CACNA1E: variants seen among roughly 807,000 people sequenced by gnomAD.
CACNA1E encodes the protein calcium voltage-gated channel subunit alpha1 E, also known as voltage-dependent R-type calcium channel subunit alpha-1E.
CACNA1E carries 40 observed loss-of-function variants against 259.2 expected under a neutral mutation model. The ratio of observed to expected loss-of-function variants is 0.15; its 90% CI spans 0.12 to 0.20. The LOEUF (loss-of-function observed/expected upper bound fraction) is 0.20, where lower values mean the gene tolerates loss of function less well. Ranked by LOEUF, CACNA1E falls within the 10% of genes least tolerant of loss-of-function variation. The probability of loss-of-function intolerance (pLI) is 1.00; values close to 1 mark genes in which losing one functional copy is unlikely to be tolerated. For synonymous variants in CACNA1E, 1,104 were observed against 1,138.5 expected (o/e 0.97, Z 0.61); for missense variants, 1,874 against 3,040.1 (o/e 0.62, Z 9.02).
chr1:181,669,325 TC>T (rs370604489), intron 7 of CACNA1E, among the ~76,000 whole-genome samples: 18 of 152,206 alleles, frequency 1.2e-4, no homozygotes, highest in African/African-American at 4.3e-4. Flanking sequence ...TTTTCTAGCC[TC>T]AATTCAACGA....
At chr1:181,719,229 G>A (rs927576366) in intron 12 of CACNA1E, among the ~76,000 whole-genome samples, 5 of 152,150 alleles carry the variant, frequency 3.3e-5, no homozygotes, top group African/African-American at 9.7e-5. Flanking sequence ...AAATAGAAAT[G>A]TTCATCTGAA....
At chr1:181,581,347 G>A (rs1026039683) in intron 6 of CACNA1E, among the ~76,000 whole-genome samples, 1 of 152,184 alleles carries the variant, frequency 6.6e-6, no homozygotes, top group Non-Finnish European at 1.5e-5. Flanking sequence ...CCACTGTCAA[G>A]AACTACTGCA....
intron 3 of CACNA1E, among the ~76,000 whole-genome samples, chr1:181,517,448 A>G (rs900893096): frequency 3.3e-5 from 5 of 152,066 alleles, no homozygotes; most frequent in Non-Finnish European, 7.4e-5. Flanking sequence ...CAGGGGGTTC[A>G]CTATTTCACT....
At chr1:181,702,829 C>T (rs762167762) in intron 7 of CACNA1E, among the ~76,000 whole-genome samples, 2 of 152,208 alleles carry the variant, frequency 1.3e-5, no homozygotes, top group Non-Finnish European at 2.9e-5. Flanking sequence ...CTCCCCGACA[C>T]CCAATACTTA....
chr1:181,402,991 A>G (rs1450685257), intron 1 of CACNA1E, among the ~76,000 whole-genome samples: 1 of 152,180 alleles, frequency 6.6e-6, no homozygotes, highest in African/African-American at 2.4e-5. Flanking sequence ...TTGGTTAATA[A>G]ACATGAATTT....
chr1:181,628,125 G>C (rs1032828932), intron 6 of CACNA1E, among the ~76,000 whole-genome samples: 3 of 152,174 alleles, frequency 2.0e-5, no homozygotes, highest in Non-Finnish European at 4.4e-5. Flanking sequence ...ATAACCTTTG[G>C]AACCTGTCCT....
At chr1:181,331,148 C>T (rs1218294467) in intron 1 of CACNA1E, among the ~76,000 whole-genome samples, 3 of 152,074 alleles carry the variant, frequency 2.0e-5, no homozygotes, top group Non-Finnish European at 4.4e-5. Flanking sequence ...GATCTCATAT[C>T]CTTTCAGGCA....
rs530077741 is a variant in CACNA1E at position 181,798,913 on chromosome 1, G to C, written c.*79G>C. 3.4e-5 allele frequency: 43 copies of C among 1,274,900 alleles called. No homozygotes were observed. The highest frequency in any genetic ancestry group is 8.9e-5 in the Admixed American group (3 of 33,866). 79.0% of individuals were successfully genotyped at this position (1,274,900 alleles called of 1,614,324 possible). A position where few individuals can be genotyped will look rare whatever the true frequency, so the allele number is the denominator to read the frequency against. On this transcript the variant is annotated 3_prime_UTR_variant, in exon 48 of 48. Transcript: ENST00000367573. This position sits in a 1 kb window ranked among gnomAD's most constrained non-coding sequence, Gnocchi z 4.2. ...CAGAATTGGGAAGCCAGTGCGGCCC[G>C]GGGGGGAGGAAGAGGGAAAAGGAAG...
At chr1:181,507,861 C>G (rs987949038) in intron 1 of CACNA1E, among the ~76,000 whole-genome samples, 1 of 152,178 alleles carries the variant, frequency 6.6e-6, no homozygotes, top group Non-Finnish European at 1.5e-5. Context: ...TCTGAAATTG[C>G]ATGAGACGTT....
At chr1:181,628,648 C>T (rs1358927915) in intron 6 of CACNA1E, among the ~76,000 whole-genome samples, 1 of 152,128 alleles carries the variant, frequency 6.6e-6, no homozygotes, top group Non-Finnish European at 1.5e-5. Context: ...ACCCATTTGT[C>T]CTAGAGTGAA....
intron 1 of CACNA1E, among the ~76,000 whole-genome samples, chr1:181,372,543 A>G (rs1007282147): frequency 5.3e-5 from 8 of 152,158 alleles, no homozygotes; most frequent in African/African-American, 1.9e-4. Context: ...TCGTCTGCAA[A>G]GAGAGATAGT....
chr1:181,607,869 C>A (rs1205666642), intron 6 of CACNA1E, among the ~76,000 whole-genome samples: 1 of 152,120 alleles, frequency 6.6e-6, no homozygotes, highest in Non-Finnish European at 1.5e-5. Context: ...AAGGCAACTT[C>A]AGCTGGGTTT....
intron 1 of CACNA1E, among the ~76,000 whole-genome samples, chr1:181,371,156 A>T (rs1279368768): frequency 6.6e-6 from 1 of 152,172 alleles, no homozygotes; most frequent in Non-Finnish European, 1.5e-5. Flanking sequence ...TTCCTTATAG[A>T]TTCTGAATAT....
Position 181,383,850 on chromosome 1 carries a change from CA to C in CACNA1E, c.-14-29279del, listed in dbSNP as rs1655639905. Among the ~76,000 whole-genome samples, 3 of 152,318 alleles carry C rather than the reference CA, an allele frequency of 2.0e-5. No individual in the cohort carries two copies. In the South Asian group the frequency reaches 6.2e-4, roughly 32 times the overall value. On this transcript the variant is annotated intron_variant, in intron 1 of 11. Coordinates refer to the CACNA1E transcript ENST00000524607. ...GTGTGGCACCTCCAGACCTGACCCA[CA>C]AAACCTCCTACATCATCATCCAGGC...
intron 3 of CACNA1E, among the ~76,000 whole-genome samples, chr1:181,547,109 T>C (rs1340703349): frequency 2.6e-5 from 4 of 152,192 alleles, no homozygotes; most frequent in Non-Finnish European, 1.5e-5. Flanking sequence ...GCAAGGCACA[T>C]GCCTAAATGG....
At chr1:181,787,030 G>A (rs1660901528) in intron 43 of CACNA1E, among the ~76,000 whole-genome samples, 1 of 152,066 alleles carries the variant, frequency 6.6e-6, no homozygotes, top group East Asian at 1.9e-4. Context: ...ACAAGTCAGT[G>A]TTTATCTTCT....
intron 6 of CACNA1E, among the ~76,000 whole-genome samples, chr1:181,591,529 G>A (rs1459450450): frequency 1.3e-5 from 2 of 151,938 alleles, no homozygotes; most frequent in Non-Finnish European, 2.9e-5. Context: ...CATGTTTTGA[G>A]TGATATTGAA....
At chr1:181,596,987 G>C (rs1653239155) in intron 6 of CACNA1E, among the ~76,000 whole-genome samples, 1 of 152,054 alleles carries the variant, frequency 6.6e-6, no homozygotes, top group Admixed American at 6.5e-5. Context: ...TGAGGGCAGG[G>C]AGAATGGGTG....
Position 181,804,944 on chromosome 1 carries a change from G to T in CACNA1E, c.*6110G>T, listed in dbSNP as rs1156973066. On this transcript the variant is annotated 3_prime_UTR_variant, in exon 48 of 48. Transcript: ENST00000367573. ...CTAATTAAAAAAAAAAAAAACCTAG[G>T]CTTTTTTTTTTCTATCCAGAAAGTT... 6.8e-6 allele frequency: 1 copy of T among 148,080 alleles called. No homozygotes were observed. The allele number at this position is 148,080 out of a possible 1,614,324, so 9.2% of individuals were successfully genotyped here.
Sources: gnomAD v4.1 joint callset for allele counts (sites outside exome capture counted in the v4.1 genomes callset) on GRCh38, gnomAD v4.1.1 for gene constraint, Gnocchi (gnomAD v3.1) non-coding constraint, MANE v1.5 for transcripts, NCBI Gene and HGNC (gene_info 2026-07-23, HGNC 2026-07-21) for gene names.